Variants in DNAH14 observed in about 807,000 individuals in gnomAD.
The protein encoded by DNAH14 is axonemal beta dynein heavy chain 14.
Under a neutral mutation model 520.9 loss-of-function variants are expected in DNAH14, and 478 were observed. That is an observed-to-expected ratio of 0.92 (90% confidence interval 0.85 to 0.99). DNAH14 has a LOEUF of 0.99. DNAH14 is among the 50% of genes least tolerant of loss of function. The probability of loss-of-function intolerance (pLI) is 0.00; values close to 1 mark genes in which losing one functional copy is unlikely to be tolerated. For missense variants in DNAH14, 4,831 were observed against 5,234.5 expected (o/e 0.92, Z 2.38); for synonymous variants, 1,581 against 1,757.2 (o/e 0.90, Z 2.51).
At chr1:225,376,797 C>T (rs1435380223) in intron 78 of DNAH14, among the ~76,000 whole-genome samples, 1 of 152,160 alleles carries the variant, frequency 6.6e-6, no homozygotes, top group Non-Finnish European at 1.5e-5. Flanking sequence ...AAGCCACCAT[C>T]ACCCACTTTC....
In DNAH14 at chr1:225,340,510, A is replaced by C; in HGVS notation, c.10487A>C (p.Asn3496Thr). The change falls in exon 69 of 86, where the codon AAC becomes ACC. Residue 3496 changes from asparagine to threonine, a missense_variant. Asn to Thr is a moderately conservative substitution (Grantham distance 65, BLOSUM62 0). Transcript: ENST00000682510. The stretch of plus-strand genomic sequence containing the variant: ...CCCCATTTTCTTCCATCAGTTTATA[A>C]CTTTGTTACTATGATCAACTTCACT... ...DNPHFLPSVY[N>T]FVTMINFTVT... The C allele has an allele frequency of 3.2e-6, 5 of 1,551,326 alleles. No individual in the cohort carries two copies. The highest frequency in any genetic ancestry group is 4.4e-6 in the Non-Finnish European group (5 of 1,146,808).
chr1:225,075,481 A>T (rs531540784), intron 17 of DNAH14, among the ~76,000 whole-genome samples: 2 of 152,224 alleles, frequency 1.3e-5, no homozygotes, highest in African/African-American at 4.8e-5. Context: ...TCTCTTTGTT[A>T]AATTTCTAAA....
intron 68 of DNAH14, among the ~76,000 whole-genome samples, chr1:225,338,628 C>G (rs1214711396): frequency 6.6e-6 from 1 of 152,122 alleles, no homozygotes; most frequent in African/African-American, 2.4e-5. Context: ...TATCCATGTT[C>G]CCAGCAGTAA....
In DNAH14 at chr1:225,380,146, G is replaced by T. The variant is rs1558580790; in HGVS notation, c.12717-13G>T. The T allele has an allele frequency of 2.0e-6, 3 of 1,533,222 alleles. No individual in the cohort carries two copies. Among genetic ancestry groups the T allele is most frequent in the African/African-American group, 1.4e-5 (1 of 71,962 alleles). 95.0% of individuals were successfully genotyped at this position (1,533,222 alleles called of 1,614,324 possible). A position where few individuals can be genotyped will look rare whatever the true frequency, so the allele number is the denominator to read the frequency against. On this transcript the variant is annotated splice_polypyrimidine_tract_variant and intron_variant, in intron 79 of 85. Transcript: ENST00000682510. ...TGTTCTGTGTCTCATTCTTCTCTTG[G>T]TTTTTTTTGCAGACCTGAGCAGAGT...
intron 55 of DNAH14, among the ~76,000 whole-genome samples, chr1:225,290,789 T>C (rs914438166): frequency 1.1e-4 from 16 of 150,334 alleles, no homozygotes; most frequent in Non-Finnish European, 2.1e-4. Context: ...GTTTATGGGG[T>C]ATAGTGATGT....
chr1:225,169,691 AC>A (rs2082400056), intron 36 of DNAH14, among the ~76,000 whole-genome samples: 1 of 152,180 alleles, frequency 6.6e-6, no homozygotes, highest in Non-Finnish European at 1.5e-5. Context: ...AAGTAGGAAA[AC>A]ACTCTGCAGG....
intron 11 of DNAH14, among the ~76,000 whole-genome samples, chr1:225,029,684 C>T (rs748217811): frequency 6.6e-6 from 1 of 151,772 alleles, no homozygotes; most frequent in Non-Finnish European, 1.5e-5. Context: ...GGAGAAGTTT[C>T]GTTGATAGGA....
chr1:225,050,366 A>C lies in DNAH14; in HGVS notation c.2069A>C (p.Tyr690Ser). ...CHILFETDPA[Y>S]QNIIVNLLTI... ...ATCCTTTTTGAAACAGATCCTGCCTACCAAAATATAGTAAGTTTTAAAACA... is the reference window on the plus strand; with the variant it reads ...ATCCTTTTTGAAACAGATCCTGCCTCCCAAAATATAGTAAGTTTTAAAACA... Residue 690 changes from tyrosine (Y) to serine (S), a missense_variant, in exon 16 of 86, where the codon TAC becomes TCC. Transcript: ENST00000682510. 3.9e-6 allele frequency: 6 copies of C among 1,542,454 alleles called. No individual in the cohort carries two copies. Among genetic ancestry groups the C allele is most frequent in the Non-Finnish European group, 5.2e-6 (6 of 1,144,264 alleles).
At chr1:225,341,458 C>G (rs182482646) in intron 69 of DNAH14, among the ~76,000 whole-genome samples, 31 of 152,210 alleles carry the variant, frequency 2.0e-4, no homozygotes, top group African/African-American at 7.5e-4. Flanking sequence ...CCCATCTCTA[C>G]TAAAAATACA....
intron 20 of DNAH14, among the ~76,000 whole-genome samples, chr1:225,084,675 A>G (rs2073530280): frequency 6.6e-6 from 1 of 151,972 alleles, no homozygotes; most frequent in African/African-American, 2.4e-5. Context: ...TAATAAAGTT[A>G]GATAATTAAC....
intron 41 of DNAH14, among the ~76,000 whole-genome samples, chr1:225,217,895 TCTGC>T (rs1413915523): frequency 6.6e-6 from 1 of 152,110 alleles, no homozygotes; most frequent in African/African-American, 2.4e-5. Flanking sequence ...GCACCTACTG[TCTGC>T]CAAGCCCCAG....
intron 8 of DNAH14, among the ~76,000 whole-genome samples, chr1:224,977,185 G>T (rs905733071): frequency 6.6e-6 from 1 of 152,154 alleles, no homozygotes; most frequent in Admixed American, 6.5e-5. Context: ...CATGTCCTTT[G>T]TAAGGACATG....
intron 17 of DNAH14, among the ~76,000 whole-genome samples, chr1:225,074,290 C>T (rs3105553): frequency 0.8 from 121,210 of 152,032 alleles, 51,686 homozygotes; most frequent in Non-Finnish European, 0.96. Context: ...TGAGCCACCG[C>T]GCCCGGCCTG....
chr1:225,280,547 C>T (rs568794417), intron 54 of DNAH14, among the ~76,000 whole-genome samples: 8 of 150,966 alleles, frequency 5.3e-5, no homozygotes, highest in Middle Eastern at 6.8e-3. Flanking sequence ...TGCAGTGAGC[C>T]GAGATAGCGC....
chr1:225,213,782 G>A (rs1046071407), intron 41 of DNAH14, among the ~76,000 whole-genome samples: 1 of 152,282 alleles, frequency 6.6e-6, no homozygotes, highest in Non-Finnish European at 1.5e-5. Context: ...TGCTGAAGTT[G>A]CATATCAGCT....
chr1:225,377,539 T>C (rs1291000216), intron 79 of DNAH14, 103 bp downstream of exon 79: 1 of 1,177,364 alleles, frequency 8.5e-7, no homozygotes, highest in African/African-American at 1.5e-5. Context: ...GTGGACAGAT[T>C]GCTTGAGCTC....
chr1:225,171,024 G>A (rs1191111425), intron 36 of DNAH14, among the ~76,000 whole-genome samples: 1 of 152,130 alleles, frequency 6.6e-6, no homozygotes, highest in Non-Finnish European at 1.5e-5. Context: ...TGACTACTGG[G>A]TACATAACGA....
chr1:225,021,170 T>C (rs905688673), intron 10 of DNAH14, among the ~76,000 whole-genome samples: 19 of 152,140 alleles, frequency 1.2e-4, no homozygotes, highest in Non-Finnish European at 1.9e-4. Context: ...GAGCCATATA[T>C]GGCAAGCACA....
At chr1:225,196,665 CA>C (rs2086182487) in intron 38 of DNAH14, among the ~76,000 whole-genome samples, 1 of 152,068 alleles carries the variant, frequency 6.6e-6, no homozygotes, top group African/African-American at 2.4e-5. Context: ...TCACCACATC[CA>C]CACCAACATC....
Sources: allele counts gnomAD v4.1 joint callset (sites outside exome capture counted in the v4.1 genomes callset), GRCh38; gene constraint gnomAD v4.1.1; transcripts MANE v1.5; gene names NCBI Gene and HGNC (gene_info 2026-07-23, HGNC 2026-07-21).